Variants in KIF2C observed in about 807,000 individuals in gnomAD.
The protein encoded by KIF2C is kinesin family member 2C, also known as kinesin-like protein KIF2C.
KIF2C carries 34 observed loss-of-function variants against 97.4 expected under a neutral mutation model. That is an observed-to-expected ratio of 0.35 (90% CI 0.27 to 0.46). The LOEUF is 0.46. KIF2C is among the 20% of genes least tolerant of loss of function. The probability of loss-of-function intolerance (pLI) is 1.00; values close to 1 mark genes in which losing one functional copy is unlikely to be tolerated. For synonymous variants in KIF2C, 313 were observed against 318.2 expected, an observed-to-expected ratio of 0.98 and a Z score of 0.17; for missense variants, 750 against 907.6, an observed-to-expected ratio of 0.83 and a Z score of 2.23.
chr1:44,750,847 A>G (rs977737600), intron 5 of KIF2C, among the ~76,000 whole-genome samples: 5 of 152,234 alleles, frequency 3.3e-5, no homozygotes, highest in Non-Finnish European at 5.9e-5. Flanking sequence ...ACATGATCAG[A>G]GCATTACCAG....
intron 19 of KIF2C, among the ~76,000 whole-genome samples, chr1:44,763,039 A>T (rs1297388231): frequency 6.6e-6 from 1 of 152,226 alleles, no homozygotes; most frequent in African/African-American, 2.4e-5. Flanking sequence ...CCCTAAGGGT[A>T]TGACTTGAGA....
Position 44,754,745 on chromosome 1 carries a change from A to AC in KIF2C, c.664-3dup. 1 of 1,593,006 alleles carries AC rather than the reference A, an allele frequency of 6.3e-7. No homozygotes were observed. Among genetic ancestry groups the AC allele is most frequent in the Non-Finnish European group, 8.6e-7 (1 of 1,160,776 alleles). On this transcript the variant is annotated splice_region_variant and splice_polypyrimidine_tract_variant and intron_variant, in intron 7 of 20. Coordinates refer to ENST00000372224, the MANE Select transcript of KIF2C (RefSeq NM_006845.4). ...CTGCCCTTTTTCACTCTCGTCTCAAACCAGGAGTATGACAGTAGTTTTCCA... is the reference window on the plus strand; with the variant it reads ...CTGCCCTTTTTCACTCTCGTCTCAAACCCAGGAGTATGACAGTAGTTTTCCA...
At chr1:44,740,804 T>A in intron 1 of KIF2C, 109 bp from the exon 2 acceptor site, 1 of 371,012 alleles carries the variant, frequency 2.7e-6, no homozygotes. Flanking sequence ...TTTTTTAAGG[T>A]AGCTGCCTGT....
Position 44,762,267 on chromosome 1 carries a change from C to T in KIF2C, c.1752-79C>T, listed in dbSNP as rs377375093. 165 of 1,323,876 alleles carry T rather than the reference C, an allele frequency of 1.2e-4. 1 individual carries two copies. In the African/African-American group the frequency reaches 2.3e-3, roughly 18 times the overall value. 82.0% of individuals were successfully genotyped at this position (1,323,876 alleles called of 1,614,324 possible). ...TCCATCCCCTTGGAGCCTCAAGCCT[C>T]GAAGCCTGGGCGGTGCCACATTCCT... On this transcript the variant is annotated intron_variant, in intron 17 of 20. Transcript: ENST00000372224.
intron 19 of KIF2C, among the ~76,000 whole-genome samples, chr1:44,764,237 G>A (rs1341886406): frequency 6.6e-6 from 1 of 151,824 alleles, no homozygotes; most frequent in Non-Finnish European, 1.5e-5. Context: ...GTTTAGTGGT[G>A]CAATCTTGGC....
chr1:44,746,607 A>G (rs1417711788), intron 2 of KIF2C: 1 of 1,442,318 alleles, frequency 6.9e-7, no homozygotes, highest in Non-Finnish European at 9.1e-7. Context: ...GCAGGACCTC[A>G]CTGCCCAGCA....
Position 44,758,078 on chromosome 1 carries a change from C to T in KIF2C, c.1162C>T (p.Pro388Ser). The T allele has an allele frequency of 1.2e-6, 2 of 1,614,204 alleles. No individual in the cohort carries two copies. The highest frequency in any genetic ancestry group is 1.7e-6 in the Non-Finnish European group (2 of 1,180,032). ...GGACGTCTTCCTCCTGAAGAATCAA[C>T]CCTGCTACCGGAAGTTGGGCCTGGA... is the stretch of plus-strand genomic sequence containing the variant. ...SRDVFLLKNQ[P>S]CYRKLGLEVY... is the part of the protein sequence containing the mutation. The change falls in exon 13 of 21, where the codon CCC becomes TCC. Residue 388 changes from proline to serine, a missense_variant. Pro to Ser is a moderately conservative substitution (Grantham distance 74). Coordinates refer to ENST00000372224, the MANE Select transcript of KIF2C (RefSeq NM_006845.4).
rs869293971 is a variant in KIF2C, at chr1:44,745,464, CTT to C, written c.166-1895_166-1894del. 1.3e-3 allele frequency among the ~76,000 whole-genome samples: 48 copies of C among 38,344 alleles called. 1 individual carries two copies. The highest frequency in any genetic ancestry group is 4.7e-3 in the African/African-American group (41 of 8,636). 25.2% of individuals were successfully genotyped at this position (38,344 alleles called of 152,430 possible). A position where few individuals can be genotyped will look rare whatever the true frequency, so the allele number is the denominator to read the frequency against. The stretch of plus-strand genomic sequence containing the variant: ...TCATGGTGGCAGGGGTTGTATATGT[CTT>C]TTTTTTTTTTTTTTTTTTTTTTTTG... On this transcript the variant is annotated intron_variant, in intron 2 of 20. Transcript: ENST00000372224.
chr1:44,748,998 G>GA (rs990408483), intron 4 of KIF2C, among the ~76,000 whole-genome samples: 3 of 151,162 alleles, frequency 2.0e-5, no homozygotes, highest in South Asian at 2.1e-4. Flanking sequence ...CATTTTAATG[G>GA]AAAAAAAAAT....
intron 2 of KIF2C, among the ~76,000 whole-genome samples, chr1:44,742,784 C>T (rs955047558): frequency 6.6e-6 from 1 of 151,492 alleles, no homozygotes; most frequent in African/African-American, 2.4e-5. Context: ...CTTGCCCAAG[C>T]TAGGTTCTGC....
Position 44,760,738 on chromosome 1 carries a change from G to C in KIF2C, c.1683+36G>C. On this transcript the variant is annotated intron_variant, in intron 16 of 20. Coordinates refer to ENST00000372224, the MANE Select transcript of KIF2C (RefSeq NM_006845.4). The surrounding 1 kb of genome is among the most constrained non-coding windows in gnomAD (Gnocchi z 4.2). ...TCACTTTGAAGGTGATGGTACAGGA[G>C]GAGACAGAGTTGCTTTCCACAGAGA... The C allele has an allele frequency of 6.5e-7, 1 of 1,539,408 alleles. No individual in the cohort carries two copies. Among genetic ancestry groups the C allele is most frequent in the Non-Finnish European group, 9.0e-7 (1 of 1,113,336 alleles).
intron 4 of KIF2C, among the ~76,000 whole-genome samples, chr1:44,749,743 C>T (rs1649405452): frequency 6.6e-6 from 1 of 152,018 alleles, no homozygotes; most frequent in African/African-American, 2.4e-5. Flanking sequence ...CAAGATCATG[C>T]CACTGCACTC....
intron 4 of KIF2C, 190 bp from the exon 5 acceptor site, chr1:44,750,252 G>A (rs975320328): frequency 4.1e-6 from 2 of 484,848 alleles, no homozygotes; most frequent in African/African-American, 3.9e-5. Flanking sequence ...TGCACAATGT[G>A]GACAAAGAGG....
At chr1:44,765,412 A>G (rs988167610) in intron 19 of KIF2C, among the ~76,000 whole-genome samples, 5 of 152,244 alleles carry the variant, frequency 3.3e-5, no homozygotes, top group Non-Finnish European at 7.3e-5. Context: ...TACATATGTA[A>G]CAAACCTGCA....
intron 1 of KIF2C, among the ~76,000 whole-genome samples, chr1:44,740,354 C>G (rs536773922): frequency 7.9e-5 from 12 of 152,284 alleles, no homozygotes; most frequent in African/African-American, 2.4e-4. Context: ...CCTTTACTCT[C>G]GAATAAATAT....
intron 11 of KIF2C, 68 bp downstream of exon 11, chr1:44,757,714 A>C: frequency 8.1e-7 from 1 of 1,229,798 alleles, no homozygotes; most frequent in Non-Finnish European, 1.2e-6. Context: ...ATAAAGGGAG[A>C]CAATGAGTTT....
rs1650343096 is a variant in KIF2C at position 44,764,506 on chromosome 1, TTTG to T, written c.1971+1851_1971+1853del. 2.7e-5 allele frequency among the ~76,000 whole-genome samples: 4 copies of T among 148,306 alleles called. No individual in the cohort carries two copies. The Admixed American group carries it at 2.7e-4, about 10-fold the overall frequency. On this transcript the variant is annotated intron_variant, in intron 19 of 20. Coordinates refer to ENST00000372224, the MANE Select transcript of KIF2C (RefSeq NM_006845.4). Reference sequence around the variant, plus strand: ...TATCTGGTTGGTTTTTGTTTGTTTGTTTGTTTGTTTGTTTTGGGGGGGGATGGA... The same window carrying T: ...TATCTGGTTGGTTTTTGTTTGTTTGTTTTGTTTGTTTTGGGGGGGGATGGA...
intron 2 of KIF2C, among the ~76,000 whole-genome samples, chr1:44,744,857 G>T (rs1232042142): frequency 6.6e-6 from 1 of 151,658 alleles, no homozygotes; most frequent in African/African-American, 2.4e-5. Flanking sequence ...CTGAGATCGC[G>T]CCATTGCACT....
Position 44,760,274 on chromosome 1 carries a change from C to T in KIF2C, c.1368-6C>T. On this transcript the variant is annotated splice_polypyrimidine_tract_variant and splice_region_variant and intron_variant, in intron 14 of 20. Transcript: ENST00000372224. This position sits in a 1 kb window ranked among gnomAD's most constrained non-coding sequence, Gnocchi z 4.2. Reference sequence around the variant, plus strand: ...CACAGAATCTCATAACCTTTCTTTACCACAGAACCTCTGGGCAGACATTTG... The same window carrying T: ...CACAGAATCTCATAACCTTTCTTTATCACAGAACCTCTGGGCAGACATTTG... The T allele has an allele frequency of 6.2e-7, 1 of 1,613,636 alleles. No individual in the cohort carries two copies. The highest frequency in any genetic ancestry group is 8.5e-7 in the Non-Finnish European group (1 of 1,179,776).
Sources: allele counts gnomAD v4.1 joint callset (sites outside exome capture counted in the v4.1 genomes callset), GRCh38; gene constraint gnomAD v4.1.1; non-coding constraint Gnocchi (gnomAD v3.1); transcripts MANE v1.5; gene names NCBI Gene and HGNC (gene_info 2026-07-23, HGNC 2026-07-21).